MDGA2: variants seen among roughly 807,000 people sequenced by gnomAD.
MDGA2 encodes MAM domain-containing glycosylphosphatidylinositol anchor protein 2.
Under a neutral mutation model 117.8 loss-of-function variants are expected in MDGA2, and 40 were observed. That is an observed-to-expected ratio of 0.34 (90% CI 0.26 to 0.44). MDGA2 has a LOEUF of 0.44. Among genes scored for constraint, MDGA2 ranks in the 20% least tolerant of loss-of-function variants. The probability of loss-of-function intolerance (pLI) is 1.00; values close to 1 mark genes in which losing one functional copy is unlikely to be tolerated. For synonymous variants in MDGA2, 452 were observed against 439.0 expected (o/e 1.03, Z -0.37); for missense variants, 1,123 against 1,250.6 (o/e 0.90, Z 1.54).
chr14:47,285,155 T>C (rs1451507472), intron 2 of MDGA2, among the ~76,000 whole-genome samples: 2 of 152,140 alleles, frequency 1.3e-5, no homozygotes, highest in African/African-American at 4.8e-5. Context: ...ATTTCATGCA[T>C]CCAAATTCTC....
chr14:46,891,834 T>C (rs1176421772), intron 10 of MDGA2, among the ~76,000 whole-genome samples: 3 of 151,438 alleles, frequency 2.0e-5, no homozygotes, highest in Non-Finnish European at 1.5e-5. Flanking sequence ...ATAATACTTA[T>C]AATAAATATC....
chr14:47,073,415 G>C (rs1260128797), intron 6 of MDGA2, among the ~76,000 whole-genome samples: 1 of 152,164 alleles, frequency 6.6e-6, no homozygotes, highest in Non-Finnish European at 1.5e-5. Flanking sequence ...TAAAATGGTA[G>C]TAATTATGAA....
chr14:47,252,421 A>G (rs2139645879), intron 2 of MDGA2, among the ~76,000 whole-genome samples: 1 of 152,316 alleles, frequency 6.6e-6, no homozygotes, highest in Admixed American at 6.5e-5. Context: ...AAAGAACAAA[A>G]GAATAATTTA....
intron 5 of MDGA2, among the ~76,000 whole-genome samples, chr14:47,102,926 T>C (rs947550052): frequency 6.6e-6 from 1 of 152,202 alleles, no homozygotes; most frequent in Non-Finnish European, 1.5e-5. Flanking sequence ...GCTATGACTT[T>C]GTTTCCATGT....
intron 1 of MDGA2, among the ~76,000 whole-genome samples, chr14:47,540,785 G>C (rs1449973044): frequency 6.6e-6 from 1 of 151,528 alleles, no homozygotes; most frequent in Admixed American, 6.6e-5. Context: ...GGTTGGTCTT[G>C]AACTCCTGAT....
chr14:47,353,413 C>T (rs1291733530), intron 1 of MDGA2, among the ~76,000 whole-genome samples: 1 of 152,138 alleles, frequency 6.6e-6, no homozygotes, highest in Non-Finnish European at 1.5e-5. Flanking sequence ...TGATCATTTC[C>T]TTGACTACCT....
intron 3 of MDGA2, among the ~76,000 whole-genome samples, chr14:47,208,740 T>C (rs1219959639): frequency 1.3e-5 from 2 of 151,922 alleles, no homozygotes. Flanking sequence ...CAATGGACTG[T>C]GTTCTTAAGG....
At chr14:47,152,563 T>C (rs533103396) in intron 3 of MDGA2, among the ~76,000 whole-genome samples, 29 of 152,302 alleles carry the variant, frequency 1.9e-4, no homozygotes, top group Non-Finnish European at 4.0e-4. Flanking sequence ...CAAATATATC[T>C]TAATCTAAAA....
At chr14:47,441,026 G>A (rs1031687091) in intron 1 of MDGA2, among the ~76,000 whole-genome samples, 1 of 152,030 alleles carries the variant, frequency 6.6e-6, no homozygotes, top group Non-Finnish European at 1.5e-5. Context: ...TGACAGATCT[G>A]TGCAAAGCAA....
chr14:46,855,306 C>T lies in MDGA2; in HGVS notation c.2753-152G>A, dbSNP rs1594996657. On this transcript the variant is annotated intron_variant, in intron 14 of 16. Transcript: ENST00000399232. This position sits in a 1 kb window ranked among gnomAD's most constrained non-coding sequence, Gnocchi z 4.1. The stretch of plus-strand genomic sequence containing the variant: ...TTCTCCTCTCATTTCCTATCTTGCT[C>T]TTATGACATTTGACATTTGATCCAA... 1.4e-5 allele frequency: 8 copies of T among 592,376 alleles called. No individual in the cohort carries two copies. The East Asian group carries it at 2.1e-4, about 16-fold the overall frequency. The allele number at this position is 592,376 out of a possible 1,614,324, so 36.7% of individuals were successfully genotyped here. A position where few individuals can be genotyped will look rare whatever the true frequency, so the allele number is the denominator to read the frequency against.
chr14:47,246,406 C>A (rs1475000362), intron 2 of MDGA2, among the ~76,000 whole-genome samples: 1 of 151,752 alleles, frequency 6.6e-6, no homozygotes, highest in African/African-American at 2.4e-5. Flanking sequence ...TATAAAGGCA[C>A]CTACTTCAAT....
intron 1 of MDGA2, among the ~76,000 whole-genome samples, chr14:47,673,842 G>GT (rs1898121320): frequency 6.6e-6 from 1 of 152,006 alleles, no homozygotes; most frequent in Non-Finnish European, 1.5e-5. Context: ...CAGCGAGCTA[G>GT]TGTCCTGCCC....
At chr14:47,108,345 C>T (rs930867609) in intron 5 of MDGA2, among the ~76,000 whole-genome samples, 2 of 152,166 alleles carry the variant, frequency 1.3e-5, no homozygotes, top group Admixed American at 6.5e-5. Context: ...GCCAAGCCAT[C>T]GCATCCCCTG....
chr14:47,471,077 C>T (rs1893715373), intron 1 of MDGA2, among the ~76,000 whole-genome samples: 1 of 152,040 alleles, frequency 6.6e-6, no homozygotes, highest in African/African-American at 2.4e-5. Context: ...ATACTCACCA[C>T]TGTTTTAGTG....
rs572988472 is a variant in MDGA2, at chr14:47,065,045, G to A, written c.1196-3467C>T. The stretch of plus-strand genomic sequence containing the variant: ...ATTGAAAATCCCCTAACACCAGCCT[G>A]AGAGAACATTAGATTTGGCTTAATG... On this transcript the variant is annotated intron_variant, in intron 6 of 16. Transcript: ENST00000399232. 3.3e-5 allele frequency among the ~76,000 whole-genome samples: 5 copies of A among 152,142 alleles called. No individual in the cohort carries two copies. The East Asian group carries it at 9.7e-4, about 30-fold the overall frequency.
At chr14:47,328,837 T>C (rs1444550816) in intron 1 of MDGA2, among the ~76,000 whole-genome samples, 1 of 152,074 alleles carries the variant, frequency 6.6e-6, no homozygotes, top group South Asian at 2.1e-4. Context: ...TGCTGCCCAA[T>C]AAGCCAATTA....
chr14:47,082,915 A>T (rs552938018), intron 6 of MDGA2, among the ~76,000 whole-genome samples: 1 of 152,170 alleles, frequency 6.6e-6, no homozygotes, highest in African/African-American at 2.4e-5. Flanking sequence ...CAATGAAAAA[A>T]AATTAAATAA....
intron 1 of MDGA2, among the ~76,000 whole-genome samples, chr14:47,383,466 T>C (rs368983106): frequency 6.6e-6 from 1 of 152,176 alleles, no homozygotes. Context: ...TGAAGAAATA[T>C]TAATAAAATT....
chr14:47,350,172 TAA>T (rs916593312), intron 1 of MDGA2, among the ~76,000 whole-genome samples: 2 of 152,196 alleles, frequency 1.3e-5, no homozygotes, highest in Non-Finnish European at 2.9e-5. Context: ...TGCCTTCTTT[TAA>T]ACAGTCACCT....
Sources: allele counts gnomAD v4.1 joint callset (sites outside exome capture counted in the v4.1 genomes callset), GRCh38; gene constraint gnomAD v4.1.1; non-coding constraint Gnocchi (gnomAD v3.1); transcripts MANE v1.5; gene names NCBI Gene and HGNC (gene_info 2026-07-23, HGNC 2026-07-21).